TMEM131L: variants seen among roughly 807,000 people sequenced by gnomAD.
TMEM131L encodes the protein transmembrane 131 like, also known as transmembrane protein 131-like.
Under a neutral mutation model 192.2 loss-of-function variants are expected in TMEM131L, and 54 were observed. That is an observed-to-expected ratio of 0.28 (90% CI 0.23 to 0.35). TMEM131L has a LOEUF of 0.35. Among genes scored for constraint, TMEM131L ranks in the 10% least tolerant of loss-of-function variants. The pLI is 1.00. For missense variants in TMEM131L, 1,888 were observed against 1,972.9 expected (o/e 0.96, Z 0.82); for synonymous variants, 701 against 704.9 (o/e 0.99, Z 0.09).
At chr4:153,636,253 CT>C (rs3214684) in intron 34 of TMEM131L, 47 bp from the exon 35 acceptor site, 1,203,610 of 1,488,162 alleles carry the variant, frequency 0.81, 485,361 homozygotes, top group Non-Finnish European at 0.82. Context: ...CTTTCTAAGG[CT>C]TTTTTTTTTC....
At chr4:153,501,045 G>T (rs559471220) in intron 3 of TMEM131L, among the ~76,000 whole-genome samples, 2 of 152,254 alleles carry the variant, frequency 1.3e-5, no homozygotes, top group East Asian at 3.9e-4. Flanking sequence ...TGATGAAAGT[G>T]GAAGATTAAC....
At chr4:153,579,850 C>T (rs1348114241) in intron 7 of TMEM131L, among the ~76,000 whole-genome samples, 2 of 151,984 alleles carry the variant, frequency 1.3e-5, no homozygotes, top group Non-Finnish European at 2.9e-5. Flanking sequence ...TTATAATGTA[C>T]TTGGGTAAGT....
intron 3 of TMEM131L, among the ~76,000 whole-genome samples, chr4:153,479,303 A>G (rs929791324): frequency 1.8e-4 from 27 of 152,238 alleles, no homozygotes; most frequent in African/African-American, 6.5e-4. Context: ...CAAAAAAGCA[A>G]TATTTGAGAA....
At position 153,620,744 on chromosome 4, in the gene TMEM131L, T is replaced by C; in HGVS notation, c.3568-12T>C. On this transcript the variant is annotated splice_polypyrimidine_tract_variant and intron_variant, in intron 26 of 34. Transcript: ENST00000409959. ...AGTTTAAACCATTAAACATTTACTTTCTCTTCTTTAGCAAGAAGATCCTTA... is the reference window on the plus strand; with the variant it reads ...AGTTTAAACCATTAAACATTTACTTCCTCTTCTTTAGCAAGAAGATCCTTA... 6.8e-7 allele frequency: 1 copy of C among 1,475,194 alleles called. No homozygotes were observed. 91.4% of individuals were successfully genotyped at this position (1,475,194 alleles called of 1,614,324 possible).
In TMEM131L at chr4:153,472,937, T is replaced by C. The variant is rs150340515; in HGVS notation, c.196-908T>C. 4.2e-3 allele frequency among the ~76,000 whole-genome samples: 647 copies of C among 152,340 alleles called. 7 individuals carry two copies. Among genetic ancestry groups the C allele is most frequent in the African/African-American group, 0.014 (593 of 41,568 alleles). On this transcript the variant is annotated intron_variant, in intron 2 of 34. Transcript: ENST00000409959. Reference sequence around the variant, plus strand: ...GGCACCCTGCTTTGGAGAGGTCAGCTAAGGCTTAGGGACAAGGGAGGCCTT... The same window carrying C: ...GGCACCCTGCTTTGGAGAGGTCAGCCAAGGCTTAGGGACAAGGGAGGCCTT...
At chr4:153,587,999 A>G (rs963694708) in intron 15 of TMEM131L, among the ~76,000 whole-genome samples, 188 bp downstream of exon 15, 1 of 151,252 alleles carries the variant, frequency 6.6e-6, no homozygotes, top group Non-Finnish European at 1.5e-5. Context: ...GGTACTGTAA[A>G]TAATGCCCCT....
chr4:153,614,791 C>T (rs991494961), intron 26 of TMEM131L, among the ~76,000 whole-genome samples: 14 of 151,982 alleles, frequency 9.2e-5, no homozygotes, highest in East Asian at 3.8e-4. Context: ...TGTTACTCTG[C>T]GGGGAGATAT....
At chr4:153,572,565 A>G (rs1277087159) in intron 7 of TMEM131L, among the ~76,000 whole-genome samples, 1 of 152,120 alleles carries the variant, frequency 6.6e-6, no homozygotes, top group Non-Finnish European at 1.5e-5. Context: ...TCCTGAACTC[A>G]GGTAATCCAC....
At chr4:153,511,560 T>C (rs1185452302) in intron 3 of TMEM131L, among the ~76,000 whole-genome samples, 1 of 152,080 alleles carries the variant, frequency 6.6e-6, no homozygotes, top group Non-Finnish European at 1.5e-5. Context: ...AATCTGTATA[T>C]CGAACCCCCA....
chr4:153,518,375 G>C (rs1385893025), intron 3 of TMEM131L, among the ~76,000 whole-genome samples: 3 of 152,222 alleles, frequency 2.0e-5, no homozygotes, highest in African/African-American at 7.2e-5. Context: ...GAACACACGA[G>C]AGCAGGTCCA....
chr4:153,585,500 G>C lies in TMEM131L; in HGVS notation c.1200G>C (p.Glu400Asp). The C allele has an allele frequency of 6.2e-7, 1 of 1,614,012 alleles. No individual in the cohort carries two copies. Among genetic ancestry groups the C allele is most frequent in the South Asian group, 1.1e-5 (1 of 91,068 alleles). ...MDSSATQFHI[E>D]THENTSGLWS... ...CTTCTGCAACCCAGTTTCACATAGA[G>C]ACTCATGAGAACACATCAGGACTTT... is the stretch of plus-strand genomic sequence containing the variant. Residue 400 changes from glutamate to aspartate, a missense_variant, in exon 13 of 35, where the codon GAG becomes GAC. Glu to Asp is a conservative substitution (Grantham distance 45). Coordinates refer to ENST00000409959, the MANE Select transcript of TMEM131L (RefSeq NM_001131007.2).
chr4:153,515,488 C>T (rs1734666669), intron 3 of TMEM131L, among the ~76,000 whole-genome samples: 1 of 152,184 alleles, frequency 6.6e-6, no homozygotes, highest in Non-Finnish European at 1.5e-5. Flanking sequence ...ATCATTTGTA[C>T]ATTTGGATTG....
chr4:153,631,950 C>G (rs956673871), intron 31 of TMEM131L, among the ~76,000 whole-genome samples: 1 of 152,202 alleles, frequency 6.6e-6, no homozygotes, highest in Non-Finnish European at 1.5e-5. Flanking sequence ...CCACTGGACT[C>G]ACTTCCTCAC....
chr4:153,577,573 A>C (rs905989506), intron 7 of TMEM131L, among the ~76,000 whole-genome samples: 2 of 152,178 alleles, frequency 1.3e-5, no homozygotes, highest in African/African-American at 4.8e-5. Flanking sequence ...TGTTCCAATA[A>C]AACTTTGCTG....
chr4:153,473,894 GA>G lies in TMEM131L; in HGVS notation c.239+12del. 1.3e-6 allele frequency: 2 copies of G among 1,541,210 alleles called. No individual in the cohort carries two copies. The highest frequency in any genetic ancestry group is 1.2e-5 in the South Asian group (1 of 81,824). ...GAGCCTTCTCAAGAACAGAGGTAAGGAAAAAATGGGGGTGGAAACCTGCATG... is the reference window on the plus strand; with the variant it reads ...GAGCCTTCTCAAGAACAGAGGTAAGGAAAAATGGGGGTGGAAACCTGCATG... On this transcript the variant is annotated splice_region_variant and intron_variant, in intron 3 of 34. Transcript: ENST00000409959.
chr4:153,634,534 A>G (rs1344235004), intron 33 of TMEM131L, among the ~76,000 whole-genome samples: 4 of 152,174 alleles, frequency 2.6e-5, no homozygotes, highest in Admixed American at 6.5e-5. Flanking sequence ...TAGTCCTTCC[A>G]GTTAGGTAGA....
At chr4:153,479,857 A>G (rs894150636) in intron 3 of TMEM131L, among the ~76,000 whole-genome samples, 2 of 152,210 alleles carry the variant, frequency 1.3e-5, no homozygotes, top group African/African-American at 4.8e-5. Context: ...TTGGCAGTGA[A>G]ACATTTCAGA....
At chr4:153,484,923 T>G in intron 3 of TMEM131L, among the ~76,000 whole-genome samples, 1 of 146,146 alleles carries the variant, frequency 6.8e-6, no homozygotes. Context: ...ATCGAGACCA[T>G]CCTGGCTAAC....
chr4:153,632,647 G>T, intron 31 of TMEM131L, 71 bp from the exon 32 acceptor site: 1 of 1,581,604 alleles, frequency 6.3e-7, no homozygotes, highest in Non-Finnish European at 8.6e-7. Flanking sequence ...GGAGGGAAGG[G>T]CAGGTGCAGG....
Sources: allele counts gnomAD v4.1 joint callset (sites outside exome capture counted in the v4.1 genomes callset), GRCh38; gene constraint gnomAD v4.1.1; transcripts MANE v1.5; gene names NCBI Gene and HGNC (gene_info 2026-07-23, HGNC 2026-07-21).